AKT3: variants seen among roughly 807,000 people sequenced by gnomAD.
The protein encoded by AKT3 is AKT serine/threonine kinase 3.
In AKT3, 15 loss-of-function variants were observed where a neutral mutation model predicts 65.3. The ratio of observed to expected loss-of-function variants is 0.23; its 90% CI spans 0.15 to 0.35. AKT3 has a LOEUF of 0.35. Among genes scored for constraint, AKT3 ranks in the 10% least tolerant of loss-of-function variants. The pLI is 1.00. For missense variants in AKT3, 243 were observed against 576.5 expected, an observed-to-expected ratio of 0.42 and a Z score of 5.92; for synonymous variants, 206 against 183.8, an observed-to-expected ratio of 1.12 and a Z score of -0.98.
At chr1:243,688,089 A>G (rs1402493834) in intron 3 of AKT3, among the ~76,000 whole-genome samples, 1 of 152,160 alleles carries the variant, frequency 6.6e-6, no homozygotes, top group Non-Finnish European at 1.5e-5. Context: ...AAATAATCAC[A>G]TGTACCCGAA....
At chr1:243,584,052 AAAG>A (rs949463422) in intron 8 of AKT3, among the ~76,000 whole-genome samples, 5 of 152,114 alleles carry the variant, frequency 3.3e-5, no homozygotes, top group Non-Finnish European at 5.9e-5. Flanking sequence ...TTGAAAGGAT[AAAG>A]AAGATTGCTA....
chr1:243,672,782 CA>C (rs1683240639), intron 3 of AKT3, among the ~76,000 whole-genome samples: 1 of 152,188 alleles, frequency 6.6e-6, no homozygotes, highest in Admixed American at 6.5e-5. Flanking sequence ...AGCACACTTA[CA>C]GAGCCAATAT....
In AKT3 at chr1:243,506,190, A is replaced by G. The variant is rs534899264; in HGVS notation, c.1355-856T>C. Among the ~76,000 whole-genome samples, 139 of 152,386 alleles carry G rather than the reference A, an allele frequency of 9.1e-4. 1 individual carries two copies. The highest frequency in any genetic ancestry group is 3.1e-3 in the African/African-American group (131 of 41,600). On this transcript the variant is annotated intron_variant, in intron 13 of 13. Transcript: ENST00000673466. ...CACCCGTCAGGCCCAAGGACCGCAG[A>G]ACTTTGAACAAAGTCCCAAGGGCCC...
At position 243,532,300 on chromosome 1, in the gene AKT3, A is replaced by G. The variant is rs10927034; in HGVS notation, c.1251+13210T>C. ...GACAGTCTTTCCAAGAATTTTTCAT[A>G]TATGACCTTTATAATGTTGTGGCAG... On this transcript the variant is annotated intron_variant, in intron 12 of 13. Coordinates refer to ENST00000673466, the MANE Select transcript of AKT3 (RefSeq NM_005465.7). Among the ~76,000 whole-genome samples the G allele has an allele frequency of 7.1e-3, 1,083 of 152,278 alleles. 11 individuals are homozygous for G. The highest frequency in any genetic ancestry group is 0.025 in the African/African-American group (1,025 of 41,554).
At chr1:243,558,747 T>C (rs931860508) in intron 10 of AKT3, among the ~76,000 whole-genome samples, 8 of 152,082 alleles carry the variant, frequency 5.3e-5, no homozygotes, top group African/African-American at 7.2e-5. Flanking sequence ...CTTCCCCATC[T>C]GTCACCATCT....
At chr1:243,809,101 T>C (rs553321850) in intron 2 of AKT3, among the ~76,000 whole-genome samples, 1 of 152,122 alleles carries the variant, frequency 6.6e-6, no homozygotes, top group African/African-American at 2.4e-5. Context: ...AGACCATCAA[T>C]GCTAGGAAGA....
At chr1:243,508,218 C>T (rs994137764) in intron 13 of AKT3, among the ~76,000 whole-genome samples, 2 of 152,212 alleles carry the variant, frequency 1.3e-5, no homozygotes, top group African/African-American at 4.8e-5. Flanking sequence ...TTAAGGGAAT[C>T]TAGGATGTAT....
intron 5 of AKT3, among the ~76,000 whole-genome samples, chr1:243,641,554 A>G (rs954484423): frequency 2.0e-5 from 3 of 152,118 alleles, no homozygotes; most frequent in Non-Finnish European, 4.4e-5. Context: ...GGTAAAAATT[A>G]GAAAACAATC....
chr1:243,507,440 T>G (rs1669740918), intron 13 of AKT3, among the ~76,000 whole-genome samples: 1 of 152,180 alleles, frequency 6.6e-6, no homozygotes, highest in African/African-American at 2.4e-5. Flanking sequence ...CCTCCATCAT[T>G]CCTGCCCCTT....
intron 2 of AKT3, among the ~76,000 whole-genome samples, chr1:243,775,327 C>T (rs1690480313): frequency 2.6e-5 from 4 of 151,588 alleles, no homozygotes; most frequent in African/African-American, 7.3e-5. Flanking sequence ...ACTACAGGCA[C>T]CTGCCACCAC....
chr1:243,549,469 C>T (rs1000574402), intron 11 of AKT3, among the ~76,000 whole-genome samples: 1 of 152,128 alleles, frequency 6.6e-6, no homozygotes, highest in Non-Finnish European at 1.5e-5. Context: ...CACTCTATTG[C>T]CCAGGCTGGA....
At chr1:243,587,377 G>A (rs897157620) in intron 8 of AKT3, among the ~76,000 whole-genome samples, 3 of 152,244 alleles carry the variant, frequency 2.0e-5, no homozygotes, top group Admixed American at 6.5e-5. Flanking sequence ...TTGGGAGGCC[G>A]AGACTGGCAG....
chr1:243,717,034 T>C (rs563685454), intron 2 of AKT3, among the ~76,000 whole-genome samples: 1 of 152,280 alleles, frequency 6.6e-6, no homozygotes. Flanking sequence ...CTCTCTCCCA[T>C]TCCCCTCCCA....
chr1:243,765,592 G>A (rs191169234), intron 2 of AKT3, among the ~76,000 whole-genome samples: 88 of 152,262 alleles, frequency 5.8e-4, no homozygotes, highest in African/African-American at 2.0e-3. Flanking sequence ...TGTATTATTA[G>A]TAGGAAGTGC....
At position 243,615,155 on chromosome 1, in the gene AKT3, C is replaced by T. The variant is rs1343245309; in HGVS notation, c.568G>A (p.Val190Met). Residue 190 changes from valine to methionine, a missense_variant, in exon 7 of 14, where the codon GTG becomes ATG. Physicochemically the swap from Val to Met is conservative, Grantham distance 21 (BLOSUM62 1). Transcript: ENST00000673466. The part of the protein sequence containing the change: ...KKEVIIAKDE[V>M]AHTLTESRVL... ...CTGCTTTCAGTTAGAGTGTGTGCCA[C>T]TTCATCCTACAAAAGAAAAAAAGCA... 6.2e-7 allele frequency: 1 copy of T among 1,605,266 alleles called. No homozygotes were observed.
At chr1:243,602,461 T>TTTA (rs1463396907) in intron 8 of AKT3, among the ~76,000 whole-genome samples, 2 of 152,132 alleles carry the variant, frequency 1.3e-5, no homozygotes, top group Non-Finnish European at 2.9e-5. Context: ...ATTTTAAAAA[T>TTTA]CATCACTATG....
At chr1:243,740,669 AC>A in intron 2 of AKT3, 2 of 152,284 alleles carry the variant, frequency 1.3e-5, no homozygotes, top group South Asian at 4.1e-4. Flanking sequence ...TGCAACAAAA[AC>A]CATAAAGATC....
intron 3 of AKT3, among the ~76,000 whole-genome samples, chr1:243,683,483 A>C (rs1347329963): frequency 1.3e-5 from 2 of 152,188 alleles, no homozygotes; most frequent in Admixed American, 6.6e-5. Context: ...TTCAAAACAC[A>C]GTAGGTGCAA....
chr1:243,599,840 G>A (rs1440711560), intron 8 of AKT3, among the ~76,000 whole-genome samples: 1 of 151,962 alleles, frequency 6.6e-6, no homozygotes, highest in Admixed American at 6.6e-5. Flanking sequence ...GTTTAATAAG[G>A]CAAGGAAATG....
Sources: gnomAD v4.1 joint callset for allele counts (sites outside exome capture counted in the v4.1 genomes callset) on GRCh38, gnomAD v4.1.1 for gene constraint, MANE v1.5 for transcripts, NCBI Gene and HGNC (gene_info 2026-07-23, HGNC 2026-07-21) for gene names.